Variants in ANK1 observed in about 807,000 individuals in gnomAD.
ANK1 encodes ankyrin 1, also known as ankyrin-1.
A neutral mutation model predicts 210.4 loss-of-function variants in ANK1; 51 were observed. The observed-to-expected ratio is 0.24, with a 90% confidence interval of 0.19 to 0.31. ANK1 has a LOEUF of 0.31. Ranked by LOEUF, ANK1 falls within the 10% of genes least tolerant of loss-of-function variation. The pLI, the probability that ANK1 is intolerant of heterozygous loss-of-function variation, is 1.00. For synonymous variants in ANK1, 967 were observed against 1,025.9 expected, an observed-to-expected ratio of 0.94 and a Z score of 1.10; for missense variants, 2,051 against 2,504.4, an observed-to-expected ratio of 0.82 and a Z score of 3.86.
At chr8:41,767,712 C>A (rs1365899731) in intron 1 of ANK1, among the ~76,000 whole-genome samples, 3 of 152,118 alleles carry the variant, frequency 2.0e-5, no homozygotes, top group Non-Finnish European at 4.4e-5. Flanking sequence ...TGCCGGCCGG[C>A]GGGCTCGGGG....
At chr8:41,771,800 T>A (rs1423133659) in intron 1 of ANK1, among the ~76,000 whole-genome samples, 1 of 152,192 alleles carries the variant, frequency 6.6e-6, no homozygotes, top group African/African-American at 2.4e-5. Flanking sequence ...TATGCAGCAC[T>A]TAAACCCCCA....
intron 1 of ANK1, among the ~76,000 whole-genome samples, chr8:41,889,679 C>A (rs1215619836): frequency 5.3e-5 from 8 of 152,344 alleles, no homozygotes; most frequent in African/African-American, 1.7e-4. Context: ...CCAGAGGAAT[C>A]CGGTCTCCCC....
chr8:41,676,144 G>C (rs1441506669), intron 37 of ANK1, among the ~76,000 whole-genome samples: 2 of 152,148 alleles, frequency 1.3e-5, no homozygotes, highest in Non-Finnish European at 2.9e-5. Flanking sequence ...TTGTACAGTA[G>C]GTATATGTTT....
intron 7 of ANK1, among the ~76,000 whole-genome samples, chr8:41,724,030 C>T (rs1261889006): frequency 2.0e-5 from 3 of 151,980 alleles, no homozygotes; most frequent in Admixed American, 6.5e-5. Flanking sequence ...CCTCGTGATC[C>T]GCCCGTCTCG....
chr8:41,664,592 CT>C (rs1363516759), intron 39 of ANK1, among the ~76,000 whole-genome samples: 2 of 152,118 alleles, frequency 1.3e-5, no homozygotes, highest in Admixed American at 1.3e-4. Flanking sequence ...TTTAATGTCA[CT>C]GTCACAATGC....
intron 1 of ANK1, among the ~76,000 whole-genome samples, chr8:41,874,955 T>C (rs1478202803): frequency 6.6e-6 from 1 of 152,140 alleles, no homozygotes; most frequent in Non-Finnish European, 1.5e-5. Context: ...TGGAACAAAA[T>C]GTGCTGTCCC....
At chr8:41,871,365 C>T (rs1815456228) in intron 1 of ANK1, among the ~76,000 whole-genome samples, 1 of 152,156 alleles carries the variant, frequency 6.6e-6, no homozygotes, top group Non-Finnish European at 1.5e-5. Flanking sequence ...TGGAGGGCAG[C>T]AGCATGATCA....
At chr8:41,766,326 T>A (rs1841777212) in intron 1 of ANK1, among the ~76,000 whole-genome samples, 1 of 152,298 alleles carries the variant, frequency 6.6e-6, no homozygotes, top group East Asian at 1.9e-4. Flanking sequence ...CTTTACTCCC[T>A]TGACGATGGA....
At chr8:41,803,090 A>G (rs7465174) in intron 1 of ANK1, among the ~76,000 whole-genome samples, 3,282 of 24,666 alleles carry the variant, frequency 0.13, 164 homozygotes, top group African/African-American at 0.25. Flanking sequence ...GAAGGGAAGG[A>G]AAGGAAAGGA....
At chr8:41,761,059 T>A (rs1013871688) in intron 1 of ANK1, among the ~76,000 whole-genome samples, 2 of 151,900 alleles carry the variant, frequency 1.3e-5, no homozygotes, top group Non-Finnish European at 2.9e-5. Flanking sequence ...CTAGATTACC[T>A]AGGCTGGCCC....
chr8:41,697,782 G>C (rs1416028157), intron 24 of ANK1: 1 of 555,872 alleles, frequency 1.8e-6, no homozygotes, highest in Non-Finnish European at 3.3e-6. Flanking sequence ...GTTTCTCACT[G>C]CTGCTGTCCT....
intron 22 of ANK1, 71 bp from the exon 23 acceptor site, chr8:41,699,619 T>A: frequency 6.9e-7 from 1 of 1,442,204 alleles, no homozygotes; most frequent in East Asian, 2.3e-5. Context: ...AAAAAAGCTC[T>A]GTTCCCGCTC....
intron 1 of ANK1, among the ~76,000 whole-genome samples, chr8:41,781,598 A>T (rs1845340115): frequency 6.6e-6 from 1 of 152,114 alleles, no homozygotes; most frequent in South Asian, 2.1e-4. Flanking sequence ...TCCCAGCAAG[A>T]GCAGGAGGCA....
chr8:41,721,572 G>A (rs1412844082), intron 9 of ANK1, among the ~76,000 whole-genome samples: 14 of 149,140 alleles, frequency 9.4e-5, no homozygotes, highest in Admixed American at 4.8e-4. Context: ...CACGAGAATC[G>A]ATTGAACCTG....
chr8:41,726,401 T>C (rs1830710868), intron 5 of ANK1, among the ~76,000 whole-genome samples: 1 of 152,152 alleles, frequency 6.6e-6, no homozygotes, highest in South Asian at 2.1e-4. Flanking sequence ...ATTATTATTT[T>C]ATTTTTGAGA....
chr8:41,708,467 C>T (rs1297136709), intron 17 of ANK1, among the ~76,000 whole-genome samples: 1 of 152,126 alleles, frequency 6.6e-6, no homozygotes, highest in Non-Finnish European at 1.5e-5. Context: ...AGGCACCGGC[C>T]TATATTTGGG....
intron 31 of ANK1, among the ~76,000 whole-genome samples, chr8:41,691,760 C>T (rs1446253600): frequency 2.0e-5 from 3 of 152,198 alleles, no homozygotes; most frequent in African/African-American, 7.2e-5. Context: ...TGGCAAGTTA[C>T]TTAACCTCTC....
intron 3 of ANK1, among the ~76,000 whole-genome samples, chr8:41,729,825 C>T (rs1335523801): frequency 6.6e-6 from 1 of 152,246 alleles, no homozygotes; most frequent in East Asian, 1.9e-4. Flanking sequence ...TCAGCACTGC[C>T]TCTGGGGGTG....
intron 1 of ANK1, among the ~76,000 whole-genome samples, chr8:41,883,427 C>T (rs1044395431): frequency 2.0e-5 from 3 of 150,630 alleles, no homozygotes; most frequent in East Asian, 2.0e-4. Flanking sequence ...TAACAGGTAC[C>T]GAGAAGGATC....
Sources: gnomAD v4.1 joint callset for allele counts (sites outside exome capture counted in the v4.1 genomes callset) on GRCh38, gnomAD v4.1.1 for gene constraint, MANE v1.5 for transcripts, NCBI Gene and HGNC (gene_info 2026-07-23, HGNC 2026-07-21) for gene names.